DDX21: variants seen among roughly 807,000 people sequenced by gnomAD.
The protein encoded by DDX21 is DExD-box helicase 21.
DDX21 carries 18 observed loss-of-function variants against 90.0 expected under a neutral mutation model. The observed-to-expected ratio is 0.20, with a 90% CI of 0.14 to 0.30. DDX21 has a LOEUF of 0.30. DDX21 is among the 10% of genes least tolerant of loss of function. The pLI is 1.00. For synonymous variants in DDX21, 294 were observed against 318.0 expected, an observed-to-expected ratio of 0.92 and a Z score of 0.80; for missense variants, 673 against 944.5, an observed-to-expected ratio of 0.71 and a Z score of 3.77.
rs373152006 is a variant in DDX21, at chr10:68,970,339, G to C, written c.1375G>C (p.Ala459Pro). The C allele has an allele frequency of 1.2e-6, 2 of 1,613,756 alleles. No individual in the cohort carries two copies. The highest frequency in any genetic ancestry group is 1.1e-5 in the South Asian group (1 of 91,018). The change falls in exon 8 of 15, where the codon GCT (alanine) becomes CCT (proline). Residue 459 changes from alanine (A) to proline (P), a missense_variant. Ala to Pro is a conservative substitution (Grantham distance 27, BLOSUM62 -1). Transcript: ENST00000354185. ...KEAQELSQNS[A>P]IKQDAQSLHG... ...AGCCCAGGAGCTGTCCCAGAATTCA[G>C]CTATAAAGCAGGTTGGTCCTTCCCC... is the stretch of plus-strand genomic sequence containing the variant.
chr10:68,984,467 C>G lies in DDX21; in HGVS notation c.*1655C>G, dbSNP rs1425266611. 1 of 152,228 alleles carries G rather than the reference C, an allele frequency of 6.6e-6. No individual in the cohort carries two copies. Among genetic ancestry groups the G allele is most frequent in the African/African-American group, 2.4e-5 (1 of 41,454 alleles). 9.4% of individuals were successfully genotyped at this position (152,228 alleles called of 1,614,324 possible). A position where few individuals can be genotyped will look rare whatever the true frequency, so the allele number is the denominator to read the frequency against. On this transcript the variant is annotated 3_prime_UTR_variant, in exon 15 of 15. Transcript: ENST00000354185. ...CTCTTGGCTTTTATTCCTTGATCCACTTGCCAGTTTTATCACTTTACCCTT... is the reference window on the plus strand; with the variant it reads ...CTCTTGGCTTTTATTCCTTGATCCAGTTGCCAGTTTTATCACTTTACCCTT...
At chr10:68,960,383 C>T (rs1216392889) in intron 2 of DDX21, 134 bp downstream of exon 2, 2 of 804,690 alleles carry the variant, frequency 2.5e-6, no homozygotes, top group Non-Finnish European at 3.6e-6. Context: ...TGGGGGATAC[C>T]TTAGGCTGAC....
chr10:68,959,931 T>A lies in DDX21; in HGVS notation c.213T>A (p.Ser71=), dbSNP rs747312279. 1.2e-6 allele frequency: 2 copies of A among 1,610,304 alleles called. No homozygotes were observed. The highest frequency in any genetic ancestry group is 1.7e-6 in the Non-Finnish European group (2 of 1,179,448). ...KAEPSEVDMN[S]PKSKKAKKKE... ...AGCCTTCTGAAGTTGACATGAATTC[T>A]CCTAAATCCAAAAAGGCAAAAAAGA... Residue 71 remains serine, a synonymous_variant, in exon 2 of 15, where the codon TCT becomes TCA. Coordinates refer to ENST00000354185, the MANE Select transcript of DDX21 (RefSeq NM_004728.4).
chr10:68,964,511 T>C lies in DDX21; in HGVS notation c.787-866T>C, dbSNP rs193087621. 5.2e-3 allele frequency among the ~76,000 whole-genome samples: 789 copies of C among 152,232 alleles called. 5 individuals carry two copies. Among genetic ancestry groups the C allele is most frequent in the Non-Finnish European group, 8.0e-3 (544 of 67,994 alleles). Reference sequence around the variant, plus strand: ...CCAAGTAGCTGGGATTACAGGCGTGTACCACCATGCCTGGCTAATTTTGTA... The same window carrying C: ...CCAAGTAGCTGGGATTACAGGCGTGCACCACCATGCCTGGCTAATTTTGTA... On this transcript the variant is annotated intron_variant, in intron 4 of 14. Transcript: ENST00000354185.
At chr10:68,960,286 ATTG>A in intron 2 of DDX21, 37 bp downstream of exon 2, 3 of 1,547,878 alleles carry the variant, frequency 1.9e-6, no homozygotes, top group Non-Finnish European at 2.6e-6. Flanking sequence ...GATATCTTTC[ATTG>A]TTGTTTCAGA....
At chr10:68,970,649 T>G (rs1236541045) in intron 8 of DDX21, among the ~76,000 whole-genome samples, 1 of 151,894 alleles carries the variant, frequency 6.6e-6, no homozygotes, top group African/African-American at 2.4e-5. Context: ...CCTGGTTAAT[T>G]TTGTTTTTTC....
chr10:68,975,678 C>T (rs1843087887), intron 11 of DDX21, among the ~76,000 whole-genome samples: 1 of 152,116 alleles, frequency 6.6e-6, no homozygotes, highest in South Asian at 2.1e-4. Flanking sequence ...TGGCTCATGC[C>T]TGTAATCCCA....
chr10:68,968,588 A>G (rs897136547), intron 6 of DDX21, among the ~76,000 whole-genome samples: 4 of 152,232 alleles, frequency 2.6e-5, no homozygotes, highest in Admixed American at 1.3e-4. Flanking sequence ...GGAATGTTTG[A>G]GAATGTGATG....
At chr10:68,958,813 A>G (rs1460376437) in intron 1 of DDX21, among the ~76,000 whole-genome samples, 1 of 151,946 alleles carries the variant, frequency 6.6e-6, no homozygotes, top group Non-Finnish European at 1.5e-5. Flanking sequence ...GGCCTCAAAC[A>G]ATCCTCCTGC....
At chr10:68,971,328 C>T (rs999832670) in intron 8 of DDX21, among the ~76,000 whole-genome samples, 4 of 152,060 alleles carry the variant, frequency 2.6e-5, no homozygotes, top group Admixed American at 2.6e-4. Context: ...CAGATCATCC[C>T]ATAACCTAGG....
intron 1 of DDX21, chr10:68,956,878 T>A: frequency 5.5e-6 from 3 of 546,086 alleles, no homozygotes; most frequent in Non-Finnish European, 7.0e-6. Flanking sequence ...CCGTCTCGAC[T>A]AAAAAATACA....
At chr10:68,973,778 T>G (rs1282984479) in intron 10 of DDX21, 114 bp downstream of exon 10, 1 of 1,361,906 alleles carries the variant, frequency 7.3e-7, no homozygotes, top group Non-Finnish European at 9.8e-7. Context: ...TGGCAATGAC[T>G]GAAAGCTTAT....
chr10:68,968,969 C>A lies in DDX21; in HGVS notation c.1091-7C>A. 6.2e-7 allele frequency: 1 copy of A among 1,607,996 alleles called. No homozygotes were observed. On this transcript the variant is annotated splice_polypyrimidine_tract_variant and splice_region_variant and intron_variant, in intron 6 of 14. Transcript: ENST00000354185. ...CATACTGACTTTTTTTTTCCCCCTC[C>A]TCAAAGATTCTGAAGACAATCCCCA...
intron 1 of DDX21, 22 bp from the exon 2 acceptor site, chr10:68,959,784 T>A: frequency 6.7e-7 from 1 of 1,498,308 alleles, no homozygotes. Context: ...GTGTTTGTAT[T>A]TTCCTTATGA....
At position 68,956,267 on chromosome 10, in the gene DDX21, C is replaced by CA. The variant is rs774418737; in HGVS notation, c.43dup (p.Thr15AsnfsTer25). The CA allele has an allele frequency of 3.7e-6, 6 of 1,614,146 alleles. No individual in the cohort carries two copies. The highest frequency in any genetic ancestry group is 5.1e-6 in the Non-Finnish European group (6 of 1,180,028). On this transcript the variant is annotated frameshift_variant, in exon 1 of 15. Coordinates refer to ENST00000354185, the MANE Select transcript of DDX21 (RefSeq NM_004728.4). LOFTEE classifies it high-confidence loss of function. ...GTAGTGACGCTGGTTTGGAATCAGA[C>CA]ACCGCAATGAAAAAAGGGGAGACAC...
Position 68,959,859 on chromosome 10 carries a change from G to A in DDX21, c.141G>A (p.Glu47=). ...ATAAGACTGAAGAGATAGCAGAAGA[G>A]GAAGAAACTGTTTTCCCCAAAGCTA... ...KSDKTEEIAE[E]EETVFPKAKQ... Residue 47 remains glutamate, a synonymous_variant, in exon 2 of 15, where the codon GAG becomes GAA. Coordinates refer to ENST00000354185, the MANE Select transcript of DDX21 (RefSeq NM_004728.4). The A allele has an allele frequency of 6.3e-7, 1 of 1,583,154 alleles. No individual in the cohort carries two copies. The highest frequency in any genetic ancestry group is 8.5e-7 in the Non-Finnish European group (1 of 1,173,144).
intron 5 of DDX21, among the ~76,000 whole-genome samples, chr10:68,966,577 G>A (rs1842941299): frequency 6.6e-6 from 1 of 151,974 alleles, no homozygotes; most frequent in Admixed American, 6.6e-5. Flanking sequence ...CGAGTAGCTG[G>A]GATTACAGGC....
intron 8 of DDX21, 151 bp downstream of exon 8, chr10:68,970,501 T>C: frequency 1.2e-6 from 1 of 831,602 alleles, no homozygotes; most frequent in Non-Finnish European, 1.8e-6. Context: ...TTTTTTTTTT[T>C]TTAATTGAGG....
intron 12 of DDX21, 123 bp downstream of exon 12, chr10:68,977,811 T>C (rs369468381): frequency 9.0e-7 from 1 of 1,105,702 alleles, no homozygotes; most frequent in Non-Finnish European, 1.2e-6. Flanking sequence ...GTATTAATTG[T>C]ATTTTACAAT....
Sources: gnomAD v4.1 joint callset for allele counts (sites outside exome capture counted in the v4.1 genomes callset) on GRCh38, gnomAD v4.1.1 for gene constraint, MANE v1.5 for transcripts, NCBI Gene and HGNC (gene_info 2026-07-23, HGNC 2026-07-21) for gene names.